ATAD2: variants seen among roughly 807,000 people sequenced by gnomAD.
ATAD2 encodes the protein ATPase family AAA domain containing 2.
A neutral mutation model predicts 168.9 loss-of-function variants in ATAD2; 62 were observed. The ratio of observed to expected loss-of-function variants is 0.37; its 90% CI spans 0.30 to 0.45. ATAD2 has a LOEUF of 0.45. ATAD2 is among the 20% of genes least tolerant of loss of function. The pLI is 1.00. For synonymous variants in ATAD2, 613 were observed against 571.6 expected, an observed-to-expected ratio of 1.07 and a Z score of -1.03; for missense variants, 1,419 against 1,667.8, an observed-to-expected ratio of 0.85 and a Z score of 2.60.
rs1376569053 is a variant in ATAD2, at chr8:123,347,368, C to A, written c.1936G>T (p.Ala646Ser). The change falls in exon 16 of 28, where the codon GCT becomes TCT. Residue 646 changes from alanine (A) to serine (S), a missense_variant. By Grantham distance (99) the Ala-to-Ser change is moderately conservative (BLOSUM62 1). This residue lies in a region of ATAD2 where 545 missense variants were observed against 724.9 expected (regional missense o/e 0.75). Transcript: ENST00000287394. ...GADIKSICAE[A>S]ALCALRRRYP... ...CGTCGTCGTAAAGCACATAAAGCAGCTTCAGCACATATTGATTTAATATCT... is the reference window on the plus strand; with the variant it reads ...CGTCGTCGTAAAGCACATAAAGCAGATTCAGCACATATTGATTTAATATCT... The A allele has an allele frequency of 6.2e-7, 1 of 1,613,492 alleles. No individual in the cohort carries two copies.
chr8:123,385,555 A>G (rs183380163), intron 1 of ATAD2, among the ~76,000 whole-genome samples: 32 of 152,296 alleles, frequency 2.1e-4, no homozygotes, highest in Admixed American at 1.8e-3. Context: ...GAACTAAAAA[A>G]CAATTTAGGA....
chr8:123,368,423 C>G (rs1343465738), intron 8 of ATAD2, among the ~76,000 whole-genome samples: 1 of 152,086 alleles, frequency 6.6e-6, no homozygotes, highest in Non-Finnish European at 1.5e-5. Context: ...GCTCCGCCCC[C>G]ACCCTCCCCA....
At position 123,374,804 on chromosome 8, in the gene ATAD2, C is replaced by T. The variant is rs539572978; in HGVS notation, c.321-2118G>A. Among the ~76,000 whole-genome samples the T allele has an allele frequency of 9.8e-5, 15 of 152,292 alleles. No homozygotes were observed. The South Asian group carries it at 2.9e-3, about 29-fold the overall frequency. ...CAAATCTGATGAAAGCTACGGTATACGCAAGTTTAAACATTACTTCAGAGG... is the reference window on the plus strand; with the variant it reads ...CAAATCTGATGAAAGCTACGGTATATGCAAGTTTAAACATTACTTCAGAGG... On this transcript the variant is annotated intron_variant, in intron 2 of 27. Transcript: ENST00000287394.
chr8:123,367,132 C>T (rs567485640), intron 8 of ATAD2, among the ~76,000 whole-genome samples: 6 of 152,224 alleles, frequency 3.9e-5, no homozygotes, highest in African/African-American at 9.6e-5. Context: ...ACCAATAACT[C>T]GGCCGGGTGC....
chr8:123,325,070 T>G (rs1827572007), intron 26 of ATAD2, among the ~76,000 whole-genome samples: 1 of 150,800 alleles, frequency 6.6e-6, no homozygotes, highest in Admixed American at 6.6e-5. Flanking sequence ...TAAAAATCTA[T>G]TTTATATTAA....
intron 24 of ATAD2, among the ~76,000 whole-genome samples, chr8:123,332,113 T>C (rs1279496493): frequency 6.6e-6 from 1 of 152,228 alleles, no homozygotes; most frequent in East Asian, 1.9e-4. Flanking sequence ...TAGACTACTG[T>C]CTATACATAT....
intron 13 of ATAD2, among the ~76,000 whole-genome samples, chr8:123,355,246 C>T (rs1472875658): frequency 1.3e-5 from 2 of 152,080 alleles, no homozygotes. Context: ...TTAGAAAAGC[C>T]AAAACCCACC....
chr8:123,380,639 C>A lies in ATAD2; in HGVS notation c.210G>T (p.Arg70=), dbSNP rs1344393621. ...SSVKEVETYH[R]TRALRSLRKD... is the part of the protein sequence containing the mutation. ...TTCTCAAAGATCTTAAAGCACGTGT[C>A]CGGTGGTAGGTTTCAACTTCCTTAA... The change falls in exon 2 of 28, where the codon CGG becomes CGT. Residue 70 remains arginine, a synonymous_variant. Transcript: ENST00000287394. 2 of 1,613,980 alleles carry A rather than the reference C, an allele frequency of 1.2e-6. No individual in the cohort carries two copies.
chr8:123,392,287 A>C (rs1812616147), intron 1 of ATAD2, among the ~76,000 whole-genome samples: 1 of 152,152 alleles, frequency 6.6e-6, no homozygotes, highest in South Asian at 2.1e-4. Context: ...AAAGTACAGA[A>C]AATGTTGGAA....
intron 1 of ATAD2, among the ~76,000 whole-genome samples, chr8:123,411,974 G>A (rs2130053831): frequency 6.6e-6 from 1 of 152,296 alleles, no homozygotes; most frequent in African/African-American, 2.4e-5. Flanking sequence ...ACACCTGGAT[G>A]TGATCCTGTG....
At chr8:123,374,425 C>A (rs1258842570) in intron 2 of ATAD2, among the ~76,000 whole-genome samples, 1 of 152,192 alleles carries the variant, frequency 6.6e-6, no homozygotes, top group African/African-American at 2.4e-5. Flanking sequence ...CAAAGGCTCA[C>A]AGACTTTTCT....
chr8:123,380,129 G>A (rs1185196644), intron 2 of ATAD2, among the ~76,000 whole-genome samples: 1 of 151,924 alleles, frequency 6.6e-6, no homozygotes, highest in Non-Finnish European at 1.5e-5. Context: ...TCAGCTCACT[G>A]CAAGCTCCGC....
At chr8:123,406,987 A>G (rs1586914501) in intron 1 of ATAD2, among the ~76,000 whole-genome samples, 1 of 152,170 alleles carries the variant, frequency 6.6e-6, no homozygotes, top group South Asian at 2.1e-4. Context: ...ATTCTCGTTT[A>G]TGGTGAACCC....
At chr8:123,410,142 G>T (rs1813132844) in intron 1 of ATAD2, among the ~76,000 whole-genome samples, 1 of 151,830 alleles carries the variant, frequency 6.6e-6, no homozygotes, top group Admixed American at 6.6e-5. Context: ...AATTTCACTG[G>T]ACACAGGTTT....
At chr8:123,370,449 T>C (rs1211716577) in intron 6 of ATAD2, among the ~76,000 whole-genome samples, 3 of 152,090 alleles carry the variant, frequency 2.0e-5, no homozygotes, top group Non-Finnish European at 2.9e-5. Flanking sequence ...ACCCAGCCCA[T>C]CTGGCTGTCA....
intron 1 of ATAD2, among the ~76,000 whole-genome samples, chr8:123,385,313 GA>G (rs977220766): frequency 2.0e-5 from 3 of 151,738 alleles, no homozygotes; most frequent in East Asian, 1.9e-4. Flanking sequence ...TTAAAAGAGA[GA>G]AAAAAAAGAA....
chr8:123,370,925 A>T lies in ATAD2; in HGVS notation c.705T>A (p.Thr235=). The T allele has an allele frequency of 6.2e-7, 1 of 1,607,236 alleles. No individual in the cohort carries two copies. The highest frequency in any genetic ancestry group is 1.1e-5 in the South Asian group (1 of 90,164). ...KDIQRTDEET[T]DNQEGSVESS... is the part of the protein sequence containing the mutation. ...AACCCACACTGCCTTCTTGATTATCAGTTGTTTCTTCATCAGTTCTTTGAA... is the reference window on the plus strand; with the variant it reads ...AACCCACACTGCCTTCTTGATTATCTGTTGTTTCTTCATCAGTTCTTTGAA... Residue 235 remains threonine (T), a synonymous_variant, in exon 6 of 28, where the codon ACT becomes ACA. Coordinates refer to ENST00000287394, the MANE Select transcript of ATAD2 (RefSeq NM_014109.4).
intron 2 of ATAD2, among the ~76,000 whole-genome samples, chr8:123,376,209 CA>C (rs1361527731): frequency 6.6e-6 from 1 of 151,886 alleles, no homozygotes; most frequent in Non-Finnish European, 1.5e-5. Flanking sequence ...AGTTCGAGAC[CA>C]GCCTGACCAA....
chr8:123,356,959 C>G (rs1185012399), intron 12 of ATAD2, among the ~76,000 whole-genome samples: 1 of 152,038 alleles, frequency 6.6e-6, no homozygotes, highest in Non-Finnish European at 1.5e-5. Flanking sequence ...GCTATCGTTC[C>G]TGGACACGCA....
Sources: gnomAD v4.1 joint callset for allele counts (sites outside exome capture counted in the v4.1 genomes callset) on GRCh38, gnomAD v4.1.1 for gene constraint, gnomAD v4.1.1 regional missense constraint, MANE v1.5 for transcripts, NCBI Gene and HGNC (gene_info 2026-07-23, HGNC 2026-07-21) for gene names.